Variants in ARHGEF33 observed in about 807,000 individuals in gnomAD.
The protein encoded by ARHGEF33 is DH and coiled-coil domain-containing protein ENSP00000381780.
A neutral mutation model predicts 101.9 loss-of-function variants in ARHGEF33; 72 were observed. That is an observed-to-expected ratio of 0.71 (90% CI 0.58 to 0.86). The LOEUF is 0.86. Among genes scored for constraint, ARHGEF33 ranks in the 40% least tolerant of loss-of-function variants. The pLI is 0.00. For synonymous variants in ARHGEF33, 499 were observed against 442.5 expected (o/e 1.13, Z -1.60); for missense variants, 1,169 against 1,111.3 (o/e 1.05, Z -0.74).
chr2:38,950,050 T>G (rs992059036), intron 10 of ARHGEF33, among the ~76,000 whole-genome samples: 1 of 152,176 alleles, frequency 6.6e-6, no homozygotes, highest in South Asian at 2.1e-4. Context: ...CACTGGGGGT[T>G]ACATTTCAGT....
At chr2:38,928,322 C>T (rs1366274345) in intron 4 of ARHGEF33, among the ~76,000 whole-genome samples, 2 of 152,080 alleles carry the variant, frequency 1.3e-5, no homozygotes, top group Non-Finnish European at 2.9e-5. Context: ...TCTTTGCCTT[C>T]CTTATGAGTT....
chr2:38,903,974 T>G (rs1398030033), intron 2 of ARHGEF33, among the ~76,000 whole-genome samples: 3 of 152,178 alleles, frequency 2.0e-5, no homozygotes, highest in African/African-American at 7.2e-5. Context: ...TTCTACCCTA[T>G]GTTAGAATAT....
chr2:38,907,991 TG>T (rs1173940467), intron 2 of ARHGEF33, among the ~76,000 whole-genome samples: 1 of 151,730 alleles, frequency 6.6e-6, no homozygotes, highest in Non-Finnish European at 1.5e-5. Context: ...CTCAACTTGC[TG>T]GGACTACAGG....
rs17604892 is a variant in ARHGEF33, at chr2:38,892,056, T to C, written c.-159+2070T>C. Reference sequence around the variant, plus strand: ...GTAAGTATTAACATCTGTTTGAGTCTTCCTAAAATAATCAGAAAAATAAAG... The same window carrying C: ...GTAAGTATTAACATCTGTTTGAGTCCTCCTAAAATAATCAGAAAAATAAAG... On this transcript the variant is annotated intron_variant, in intron 1 of 17. Transcript: ENST00000409978. 3.0e-3 allele frequency among the ~76,000 whole-genome samples: 461 copies of C among 152,294 alleles called. 17 individuals are homozygous for C. In the East Asian group the frequency reaches 0.061, roughly 20 times the overall value.
rs1667786051 is a variant in ARHGEF33 at position 38,957,053 on chromosome 2, G to T, written c.1370+6G>T. ...AAACGGAAAAAGCTCAAGAAGTAAG[G>T]TTCTGATGGTGTGGTCTAGAGGGTC... On this transcript the variant is annotated splice_donor_region_variant and intron_variant, in intron 14 of 17. Transcript: ENST00000409978. 1.2e-5 allele frequency: 19 copies of T among 1,551,568 alleles called. No individual in the cohort carries two copies. Among genetic ancestry groups the T allele is most frequent in the Non-Finnish European group, 1.6e-5 (18 of 1,147,014 alleles).
At chr2:38,959,679 G>A (rs1667862862) in intron 15 of ARHGEF33, 162 bp from the exon 16 acceptor site, 1 of 736,108 alleles carries the variant, frequency 1.4e-6, no homozygotes, top group South Asian at 2.2e-5. Context: ...TCTCCGCCTG[G>A]GAACGGGGGT....
chr2:38,941,260 G>A (rs1317727955), intron 9 of ARHGEF33, among the ~76,000 whole-genome samples: 1 of 152,150 alleles, frequency 6.6e-6, no homozygotes, highest in Non-Finnish European at 1.5e-5. Flanking sequence ...CTTGCTTTAA[G>A]TTGAACTATG....
chr2:38,909,411 TC>T (rs1299444665), intron 2 of ARHGEF33, among the ~76,000 whole-genome samples: 1 of 151,974 alleles, frequency 6.6e-6, no homozygotes, highest in Non-Finnish European at 1.5e-5. Flanking sequence ...AGCTTTGACT[TC>T]CTGGGCTCAG....
chr2:38,950,670 G>A lies in ARHGEF33; in HGVS notation c.921-319G>A, dbSNP rs540519147. ...TCACCATGTTGGCCAGGCTGGTCTCGAACTCCTGACCTCAGGTGATCCGCC... is the reference window on the plus strand; with the variant it reads ...TCACCATGTTGGCCAGGCTGGTCTCAAACTCCTGACCTCAGGTGATCCGCC... On this transcript the variant is annotated intron_variant, in intron 10 of 17. Transcript: ENST00000409978. Among the ~76,000 whole-genome samples, 84 of 152,184 alleles carry A rather than the reference G, an allele frequency of 5.5e-4. 2 individuals carry two copies. The South Asian group carries it at 0.014, about 26-fold the overall frequency.
At position 38,959,997 on chromosome 2, in the gene ARHGEF33, C is replaced by T. The variant is rs1430284922; in HGVS notation, c.1692C>T (p.Asp564=). Residue 564 remains aspartate, a synonymous_variant, in exon 16 of 18, where the codon GAC becomes GAT. Transcript: ENST00000409978. ...APTQFCAAEQ[D]VKALAGPLQA... ...CGCAGTTCTGCGCGGCCGAGCAGGA[C>T]GTGAAGGCGCTGGCCGGGCCCCTGC... 6.5e-7 allele frequency: 1 copy of T among 1,550,082 alleles called. No individual in the cohort carries two copies. Among genetic ancestry groups the T allele is most frequent in the Non-Finnish European group, 8.7e-7 (1 of 1,146,422 alleles).
At chr2:38,966,185 C>T in intron 17 of ARHGEF33, 40 bp downstream of exon 17, 1 of 1,540,346 alleles carries the variant, frequency 6.5e-7, no homozygotes, top group Non-Finnish European at 8.8e-7. Flanking sequence ...TAACTCATTT[C>T]CCTTTGGGCT....
intron 8 of ARHGEF33, 190 bp from the exon 9 acceptor site, chr2:38,937,145 C>T: frequency 3.9e-6 from 2 of 512,668 alleles, no homozygotes; most frequent in East Asian, 7.0e-5. Context: ...CAGGTGCCCG[C>T]CACCACGCCC....
At position 38,933,382 on chromosome 2, in the gene ARHGEF33, GT is replaced by G. The variant is rs145789710; in HGVS notation, c.505+2141del. Among the ~76,000 whole-genome samples, 1,334 of 148,098 alleles carry G rather than the reference GT, an allele frequency of 9.0e-3. 19 individuals carry two copies. The highest frequency in any genetic ancestry group is 0.031 in the African/African-American group (1,273 of 40,496). ...AAGCCACAGTGGGTTTTTTTGTTTT[GT>G]TTTTTTTTTCTTTTTTTGAAACAGA... On this transcript the variant is annotated intron_variant, in intron 7 of 17. Coordinates refer to ENST00000409978, the MANE Select transcript of ARHGEF33 (RefSeq NM_001145451.5).
In ARHGEF33 at chr2:38,937,410, A is replaced by C; in HGVS notation, c.641A>C (p.His214Pro). ...TCGGCTGATATCCAGTCCAAGGGCC[A>C]TCTCCCATCTGGCATGTGGAGGCAG... Reference protein sequence around the residue: ...CLSADIQSKGHLPSGMWRQPK... With the variant: ...CLSADIQSKGPLPSGMWRQPK... The change falls in exon 9 of 18, where the codon CAT (histidine) becomes CCT (proline). Residue 214 changes from histidine (H) to proline (P), a missense_variant. By Grantham distance (77) the His-to-Pro change is moderately conservative (BLOSUM62 -2). Coordinates refer to ENST00000409978, the MANE Select transcript of ARHGEF33 (RefSeq NM_001145451.5). 6.6e-7 allele frequency: 1 copy of C among 1,522,528 alleles called. No homozygotes were observed. Among genetic ancestry groups the C allele is most frequent in the Non-Finnish European group, 8.8e-7 (1 of 1,130,958 alleles). 94.3% of individuals were successfully genotyped at this position (1,522,528 alleles called of 1,614,324 possible).
chr2:38,928,786 T>G (rs1666929769), intron 4 of ARHGEF33, 121 bp from the exon 5 acceptor site: 4 of 888,472 alleles, frequency 4.5e-6, no homozygotes, highest in Admixed American at 6.1e-5. Flanking sequence ...AGTACACTAG[T>G]AAATGAGGTC....
intron 2 of ARHGEF33, among the ~76,000 whole-genome samples, chr2:38,910,129 C>T (rs190672664): frequency 1.3e-5 from 2 of 152,172 alleles, no homozygotes; most frequent in African/African-American, 4.8e-5. Flanking sequence ...TATGCTGAAT[C>T]ATTTCCTATT....
intron 12 of ARHGEF33, 129 bp from the exon 13 acceptor site, chr2:38,954,244 C>A (rs1250321103): frequency 7.7e-6 from 5 of 648,114 alleles, no homozygotes; most frequent in Non-Finnish European, 1.4e-5. Flanking sequence ...GACAGCAATG[C>A]TCTATGACAA....
At chr2:38,909,602 G>T (rs1410149288) in intron 2 of ARHGEF33, among the ~76,000 whole-genome samples, 6 of 149,862 alleles carry the variant, frequency 4.0e-5, no homozygotes, top group Admixed American at 3.4e-4. Flanking sequence ...GACTCCAAAA[G>T]TGCTGGGATT....
At chr2:38,891,334 T>C (rs1665991424) in intron 1 of ARHGEF33, among the ~76,000 whole-genome samples, 1 of 152,176 alleles carries the variant, frequency 6.6e-6, no homozygotes, top group African/African-American at 2.4e-5. Flanking sequence ...CTAAGTAATG[T>C]AGATACAAAG....
Sources: allele counts gnomAD v4.1 joint callset (sites outside exome capture counted in the v4.1 genomes callset), GRCh38; gene constraint gnomAD v4.1.1; transcripts MANE v1.5; gene names NCBI Gene and HGNC (gene_info 2026-07-23, HGNC 2026-07-21).